Variants in ATP9A observed in about 807,000 individuals in gnomAD.
ATP9A encodes ATPase phospholipid transporting 9A.
A neutral mutation model predicts 144.1 loss-of-function variants in ATP9A; 52 were observed. That is an observed-to-expected ratio of 0.36 (90% confidence interval 0.29 to 0.45). The LOEUF (loss-of-function observed/expected upper bound fraction) is 0.45, where lower values mean the gene tolerates loss of function less well. Among genes scored for constraint, ATP9A ranks in the 20% least tolerant of loss-of-function variants. The probability of loss-of-function intolerance (pLI) is 1.00; values close to 1 mark genes in which losing one functional copy is unlikely to be tolerated. For synonymous variants in ATP9A, 582 were observed against 557.4 expected, an observed-to-expected ratio of 1.04 and a Z score of -0.62; for missense variants, 947 against 1,392.7, an observed-to-expected ratio of 0.68 and a Z score of 5.09.
chr20:51,728,120 G>A (rs1470706725), intron 2 of ATP9A, among the ~76,000 whole-genome samples: 1 of 152,116 alleles, frequency 6.6e-6, no homozygotes, highest in African/African-American at 2.4e-5. Context: ...GTCTCGTTGA[G>A]GCTAAGGCAG....
chr20:51,639,665 T>A (rs2077310515), intron 14 of ATP9A, among the ~76,000 whole-genome samples, 161 bp from the exon 15 acceptor site: 1 of 152,124 alleles, frequency 6.6e-6, no homozygotes, highest in South Asian at 2.1e-4. Flanking sequence ...CATGACAGTG[T>A]CTGTTCCTCT....
intron 2 of ATP9A, among the ~76,000 whole-genome samples, chr20:51,729,174 T>C (rs1286060456): frequency 6.6e-6 from 1 of 152,166 alleles, no homozygotes; most frequent in East Asian, 1.9e-4. Flanking sequence ...GGGGGGAAAT[T>C]TAAGCACTGC....
chr20:51,617,630 C>T, intron 21 of ATP9A, 76 bp from the exon 22 acceptor site: 2 of 1,522,690 alleles, frequency 1.3e-6, no homozygotes, highest in South Asian at 2.4e-5. Context: ...GTCTTTACCG[C>T]ACTCTCGTCT....
intron 1 of ATP9A, among the ~76,000 whole-genome samples, chr20:51,745,264 C>CCA (rs2077802924): frequency 1.7e-5 from 2 of 114,326 alleles, no homozygotes; most frequent in African/African-American, 7.1e-5. Flanking sequence ...GAGACTCCGT[C>CCA]TAAAAAAAAA....
rs569651367 is a variant in ATP9A, at chr20:51,630,305, G to A, written c.1669-1233C>T. On this transcript the variant is annotated intron_variant, in intron 15 of 27. Coordinates refer to ENST00000338821, the MANE Select transcript of ATP9A (RefSeq NM_006045.3). ...GGCAGTAAAGATAAGCAAGAAAACTGAGCATGGCCATCAATACCTTGTGCC... is the reference window on the plus strand; with the variant it reads ...GGCAGTAAAGATAAGCAAGAAAACTAAGCATGGCCATCAATACCTTGTGCC... Among the ~76,000 whole-genome samples the A allele has an allele frequency of 7.9e-5, 12 of 152,318 alleles. No individual in the cohort carries two copies. The East Asian group carries it at 1.9e-3, about 24-fold the overall frequency.
intron 4 of ATP9A, among the ~76,000 whole-genome samples, chr20:51,712,257 G>C (rs1429766770): frequency 6.6e-6 from 1 of 152,034 alleles, no homozygotes; most frequent in Non-Finnish European, 1.5e-5. Flanking sequence ...TGTATTTTTA[G>C]TAGAGACAGG....
intron 11 of ATP9A, among the ~76,000 whole-genome samples, chr20:51,672,164 G>A (rs1018051553): frequency 2.0e-5 from 3 of 151,952 alleles, no homozygotes; most frequent in African/African-American, 4.8e-5. Context: ...CTTTTGGGGG[G>A]GCTTATTTTT....
At chr20:51,610,708 C>T (rs1220645762) in intron 23 of ATP9A, among the ~76,000 whole-genome samples, 2 of 152,128 alleles carry the variant, frequency 1.3e-5, no homozygotes, top group Non-Finnish European at 2.9e-5. Context: ...CCTCTGTAGG[C>T]ATGCACGCTG....
At chr20:51,717,288 A>C (rs2077666581) in intron 3 of ATP9A, among the ~76,000 whole-genome samples, 1 of 152,136 alleles carries the variant, frequency 6.6e-6, no homozygotes. Context: ...AGTGGCTAGA[A>C]GACGTTTCAA....
At chr20:51,740,415 T>C (rs553918579) in intron 1 of ATP9A, among the ~76,000 whole-genome samples, 1 of 146,946 alleles carries the variant, frequency 6.8e-6, no homozygotes, top group Admixed American at 6.9e-5. Flanking sequence ...TCTTTTAAGA[T>C]TCCTGTCTGG....
Position 51,665,185 on chromosome 20 carries a change from G to A in ATP9A, c.1293+4812C>T, listed in dbSNP as rs150525836. 4.2e-3 allele frequency among the ~76,000 whole-genome samples: 635 copies of A among 151,492 alleles called. 6 individuals carry two copies. The highest frequency in any genetic ancestry group is 0.015 in the African/African-American group (612 of 41,334). On this transcript the variant is annotated intron_variant, in intron 13 of 27. Coordinates refer to ENST00000338821, the MANE Select transcript of ATP9A (RefSeq NM_006045.3). ...ACATATTGTTTGATTCTATTTATAG[G>A]CAATGTTCAGAATAGGCAAATCCAG...
In ATP9A at chr20:51,696,120, T is replaced by C; in HGVS notation, c.520A>G (p.Ile174Val). 1 of 1,614,020 alleles carries C rather than the reference T, an allele frequency of 6.2e-7. No homozygotes were observed. The highest frequency in any genetic ancestry group is 2.2e-5 in the East Asian group (1 of 44,882). ...TTTTTTTCTGATGTCCTCAGGAAGA[T>C]CATGTCGGCAGGGACCCGCTGGTTC... ...EKNQRVPADM[I>V]FLRTSEKNGS... Residue 174 changes from isoleucine (I) to valine (V), a missense_variant, in exon 6 of 28, where the codon ATC (isoleucine) becomes GTC (valine). By Grantham distance (29) the Ile-to-Val change is conservative. Around this residue, in one of 2 missense-constraint regions of ATP9A, gnomAD observed 770 missense variants for 1,047.9 expected, o/e 0.73. Coordinates refer to ENST00000338821, the MANE Select transcript of ATP9A (RefSeq NM_006045.3).
intron 9 of ATP9A, among the ~76,000 whole-genome samples, 200 bp downstream of exon 9, chr20:51,688,864 C>G (rs138936187): frequency 1.3e-5 from 2 of 152,138 alleles, no homozygotes; most frequent in African/African-American, 4.8e-5. Context: ...CCACAGGCCA[C>G]GCGGGCTTCT....
At chr20:51,764,947 C>G (rs2077897093) in intron 1 of ATP9A, among the ~76,000 whole-genome samples, 1 of 152,122 alleles carries the variant, frequency 6.6e-6, no homozygotes, top group African/African-American at 2.4e-5. Flanking sequence ...TCTCGAACTC[C>G]TGACCTCGAG....
chr20:51,754,006 C>G (rs2077845081), intron 1 of ATP9A, among the ~76,000 whole-genome samples: 1 of 151,926 alleles, frequency 6.6e-6, no homozygotes, highest in Non-Finnish European at 1.5e-5. Flanking sequence ...GATATGTACT[C>G]ATTTTTCAAT....
intron 14 of ATP9A, among the ~76,000 whole-genome samples, chr20:51,651,335 TA>T (rs1284941869): frequency 1.4e-5 from 2 of 141,236 alleles, no homozygotes; most frequent in African/African-American, 2.6e-5. Flanking sequence ...TATATTTACA[TA>T]ATATATTATA....
rs200644621 is a variant in ATP9A, at chr20:51,689,542, ATT to A, written c.724-405_724-404del. On this transcript the variant is annotated intron_variant, in intron 8 of 27. Transcript: ENST00000338821. ...CCTGTTGACCCATATTCCTAAAATA[ATT>A]TTTTTTTTTTTGAGATGGAGTCTCG... Among the ~76,000 whole-genome samples the A allele has an allele frequency of 3.8e-4, 56 of 147,024 alleles. 1 individual carries two copies. Among genetic ancestry groups the A allele is most frequent in the Admixed American group, 8.8e-4 (13 of 14,690 alleles).
chr20:51,627,412 T>C (rs1177649183), intron 17 of ATP9A, among the ~76,000 whole-genome samples, 188 bp downstream of exon 17: 4 of 152,114 alleles, frequency 2.6e-5, no homozygotes, highest in Admixed American at 6.6e-5. Context: ...AAATGGGCCA[T>C]GGGGCTCTGT....
intron 1 of ATP9A, among the ~76,000 whole-genome samples, chr20:51,745,503 G>A (rs2077804482): frequency 6.6e-6 from 1 of 152,112 alleles, no homozygotes; most frequent in Non-Finnish European, 1.5e-5. Context: ...AGGGCGGGGG[G>A]ATTTTGCCCC....
Sources: gnomAD v4.1 joint callset for allele counts (sites outside exome capture counted in the v4.1 genomes callset) on GRCh38, gnomAD v4.1.1 for gene constraint, gnomAD v4.1.1 regional missense constraint, MANE v1.5 for transcripts, NCBI Gene and HGNC (gene_info 2026-07-23, HGNC 2026-07-21) for gene names.